WWTR1: variants seen among roughly 807,000 people sequenced by gnomAD.
WWTR1 encodes WW domain-containing transcription regulator protein 1.
Under a neutral mutation model 40.1 loss-of-function variants are expected in WWTR1, and 13 were observed. The ratio of observed to expected loss-of-function variants is 0.32; its 90% confidence interval spans 0.21 to 0.52. WWTR1 has a LOEUF of 0.52. Among genes scored for constraint, WWTR1 ranks in the 20% least tolerant of loss-of-function variants. WWTR1 has a pLI of 0.97. For missense variants in WWTR1, 436 were observed against 523.1 expected (o/e 0.83, Z 1.63); for synonymous variants, 230 against 210.1 (o/e 1.09, Z -0.82).
chr3:149,653,581 G>A (rs1372788900), intron 2 of WWTR1, among the ~76,000 whole-genome samples: 1 of 152,220 alleles, frequency 6.6e-6, no homozygotes, highest in East Asian at 1.9e-4. Flanking sequence ...GAATGCTCAG[G>A]AAAGGTGCCT....
chr3:149,606,987 G>A lies in WWTR1; in HGVS notation c.432-33987C>T, dbSNP rs374445806. ...TGGAGGGGAGTGATACACAGTGAAT[G>A]CTTTCGCTATTGTTGGACTATTGGT... On this transcript the variant is annotated intron_variant, in intron 2 of 6. Transcript: ENST00000360632. Among the ~76,000 whole-genome samples the A allele has an allele frequency of 6.6e-5, 10 of 152,312 alleles. No homozygotes were observed. The East Asian group carries it at 9.6e-4, about 15-fold the overall frequency.
chr3:149,671,579 T>C (rs867417977), intron 1 of WWTR1, among the ~76,000 whole-genome samples: 25 of 152,346 alleles, frequency 1.6e-4, no homozygotes, highest in African/African-American at 5.5e-4. Flanking sequence ...GTAATTTTCA[T>C]GATGTTATTA....
intron 5 of WWTR1, among the ~76,000 whole-genome samples, chr3:149,712,416 T>C (rs942048788): frequency 1.3e-5 from 2 of 152,216 alleles, no homozygotes; most frequent in African/African-American, 2.4e-5. Context: ...AATCAGATTT[T>C]TTCTATAGCT....
intron 2 of WWTR1, among the ~76,000 whole-genome samples, chr3:149,586,535 A>T (rs1202223552): frequency 6.6e-6 from 1 of 152,226 alleles, no homozygotes; most frequent in Non-Finnish European, 1.5e-5. Flanking sequence ...CCTTGTAGAT[A>T]GGGGTGCTAG....
At chr3:149,607,136 A>G (rs1271886004) in intron 2 of WWTR1, among the ~76,000 whole-genome samples, 1 of 152,202 alleles carries the variant, frequency 6.6e-6, no homozygotes, top group African/African-American at 2.4e-5. Flanking sequence ...TTTAACAGAT[A>G]TTACTATTTT....
At position 149,644,754 on chromosome 3, in the gene WWTR1, G is replaced by T. The variant is rs111448739; in HGVS notation, c.431+12122C>A. Among the ~76,000 whole-genome samples the T allele has an allele frequency of 9.1e-3, 1,380 of 152,268 alleles. 24 individuals carry two copies. Among genetic ancestry groups the T allele is most frequent in the African/African-American group, 0.031 (1,304 of 41,546 alleles). The stretch of plus-strand genomic sequence containing the variant: ...CCTTGGAAGATAACACAAGTAACTG[G>T]GAACAGTAGTTACTTCTGAGGAGTA... On this transcript the variant is annotated intron_variant, in intron 2 of 6. Coordinates refer to ENST00000360632, the MANE Select transcript of WWTR1 (RefSeq NM_015472.6).
intron 2 of WWTR1, among the ~76,000 whole-genome samples, chr3:149,638,382 T>C (rs1280006472): frequency 6.6e-6 from 1 of 152,116 alleles, no homozygotes; most frequent in African/African-American, 2.4e-5. Flanking sequence ...TGCCTTAAGA[T>C]AAAGAGGAGC....
At chr3:149,656,238 T>C (rs915942683) in intron 2 of WWTR1, among the ~76,000 whole-genome samples, 2 of 152,180 alleles carry the variant, frequency 1.3e-5, no homozygotes, top group Admixed American at 6.5e-5. Context: ...GTATTTTAGG[T>C]TAACAAGTTT....
chr3:149,581,013 TGA>T (rs1391314899), intron 2 of WWTR1, among the ~76,000 whole-genome samples: 1 of 152,204 alleles, frequency 6.6e-6, no homozygotes. Context: ...TTCGATATGT[TGA>T]CAATCAGAAA....
intron 2 of WWTR1, among the ~76,000 whole-genome samples, chr3:149,645,292 G>T (rs918551664): frequency 1.3e-5 from 2 of 151,026 alleles, no homozygotes; most frequent in Non-Finnish European, 3.0e-5. Flanking sequence ...TGTTAGCCAG[G>T]ATGGTCTTGA....
rs147470964 is a variant in WWTR1 at position 149,665,369 on chromosome 3, G to C, written c.-4+4419C>G. 6.1e-3 allele frequency among the ~76,000 whole-genome samples: 929 copies of C among 151,926 alleles called. 4 individuals carry two copies. Among genetic ancestry groups the C allele is most frequent in the African/African-American group, 0.022 (900 of 41,416 alleles). ...GCCTCCCAAGTAGCTGGGATTACAGGAGCCCACCATCATGCCCAGTTAATT... is the reference window on the plus strand; with the variant it reads ...GCCTCCCAAGTAGCTGGGATTACAGCAGCCCACCATCATGCCCAGTTAATT... On this transcript the variant is annotated intron_variant, in intron 2 of 7. Coordinates refer to the WWTR1 transcript ENST00000465804.
chr3:149,542,779 C>T (rs1050940148), intron 3 of WWTR1, among the ~76,000 whole-genome samples: 1 of 152,204 alleles, frequency 6.6e-6, no homozygotes, highest in Admixed American at 6.5e-5. Context: ...TCTCATTTCA[C>T]ACCTCCCTGT....
chr3:149,529,403 C>A (rs1218373503), intron 4 of WWTR1, among the ~76,000 whole-genome samples: 2 of 151,880 alleles, frequency 1.3e-5, no homozygotes, highest in Non-Finnish European at 2.9e-5. Flanking sequence ...CCATGAGAGA[C>A]CTGATTGATT....
chr3:149,678,790 C>G (rs1185048951), intron 1 of WWTR1, among the ~76,000 whole-genome samples: 1 of 151,568 alleles, frequency 6.6e-6, no homozygotes, highest in African/African-American at 2.4e-5. Context: ...TTTCCAAGGT[C>G]CTGGAGGAAT....
At chr3:149,678,337 G>T (rs1410027970) in intron 1 of WWTR1, among the ~76,000 whole-genome samples, 4 of 152,266 alleles carry the variant, frequency 2.6e-5, no homozygotes. Flanking sequence ...CAGGTTTGAG[G>T]CCATCCCTTA....
chr3:149,604,215 T>C (rs939591578), intron 2 of WWTR1, among the ~76,000 whole-genome samples: 1 of 152,192 alleles, frequency 6.6e-6, no homozygotes, highest in African/African-American at 2.4e-5. Context: ...AGAAGTTAAA[T>C]AACTGGCTTA....
chr3:149,572,283 A>G (rs892265406), intron 3 of WWTR1, among the ~76,000 whole-genome samples: 3 of 152,130 alleles, frequency 2.0e-5, no homozygotes, highest in Non-Finnish European at 2.9e-5. Flanking sequence ...CATGTTATGC[A>G]GCAATTATGA....
chr3:149,590,213 TATTA>T (rs144038115), intron 2 of WWTR1, among the ~76,000 whole-genome samples: 8 of 152,212 alleles, frequency 5.3e-5, no homozygotes, highest in African/African-American at 7.2e-5. Flanking sequence ...TAATTATTCA[TATTA>T]ATTATTAGTC....
intron 2 of WWTR1, among the ~76,000 whole-genome samples, chr3:149,667,561 A>T (rs1032256763): frequency 6.6e-6 from 1 of 150,992 alleles, no homozygotes; most frequent in South Asian, 2.1e-4. Context: ...AAAAAAAAAA[A>T]AAATTATGAA....
Sources: gnomAD v4.1 joint callset for allele counts (sites outside exome capture counted in the v4.1 genomes callset) on GRCh38, gnomAD v4.1.1 for gene constraint, MANE v1.5 for transcripts, NCBI Gene and HGNC (gene_info 2026-07-23, HGNC 2026-07-21) for gene names.